GLI2: variants seen among roughly 807,000 people sequenced by gnomAD.
GLI2 encodes the protein transcription activator GLI2.
Under a neutral mutation model 78.9 loss-of-function variants are expected in GLI2, and 22 were observed. The observed-to-expected ratio is 0.28, with a 90% confidence interval of 0.20 to 0.40. The LOEUF (loss-of-function observed/expected upper bound fraction) is 0.40. GLI2 is among the 10% of genes least tolerant of loss of function. The pLI is 1.00. For synonymous variants in GLI2, 974 were observed against 963.7 expected, an observed-to-expected ratio of 1.01 and a Z score of -0.20; for missense variants, 2,097 against 2,213.2, an observed-to-expected ratio of 0.95 and a Z score of 1.05.
At chr2:120,816,863 G>A (rs1303869671) in intron 2 of GLI2, among the ~76,000 whole-genome samples, 2 of 152,206 alleles carry the variant, frequency 1.3e-5, no homozygotes, top group African/African-American at 4.8e-5. Flanking sequence ...TAATTTGGAT[G>A]TTCTTTGATG....
Position 120,757,759 on chromosome 2 carries a change from G to A in GLI2, c.-31+21474G>A, listed in dbSNP as rs138061531. On this transcript the variant is annotated intron_variant, in intron 1 of 13. Coordinates refer to ENST00000361492, the MANE Select transcript of GLI2 (RefSeq NM_001374353.1). ...TCTCCTTAACTCAGGAATCCACCAA[G>A]CTCTGCCTGGTTACCCCTCCCTGTG... Among the ~76,000 whole-genome samples, 875 of 152,268 alleles carry A rather than the reference G, an allele frequency of 5.7e-3. 6 individuals are homozygous for A. The highest frequency in any genetic ancestry group is 0.02 in the African/African-American group (817 of 41,546).
Position 120,904,882 on chromosome 2 carries a change from C to T in GLI2, c.149-22479C>T, listed in dbSNP as rs530458844. Among the ~76,000 whole-genome samples the T allele has an allele frequency of 9.8e-5, 15 of 152,304 alleles. No homozygotes were observed. The South Asian group carries it at 2.5e-3, about 25-fold the overall frequency. ...GGCCCCTGTGCTTCGGCCTCTGGCC[C>T]AGCAGAGAGAAGGGAGGGAGTTTGG... On this transcript the variant is annotated intron_variant, in intron 2 of 13. Coordinates refer to ENST00000361492, the MANE Select transcript of GLI2 (RefSeq NM_001374353.1).
At chr2:120,837,085 G>C (rs1291499702) in intron 2 of GLI2, among the ~76,000 whole-genome samples, 1 of 152,100 alleles carries the variant, frequency 6.6e-6, no homozygotes, top group East Asian at 1.9e-4. Context: ...ACTTTTAAGA[G>C]ATACTAATCT....
In GLI2 at chr2:120,968,762, G is replaced by A. The variant is rs756527906; in HGVS notation, c.692G>A (p.Arg231Gln). The change falls in exon 6 of 14, where the codon CGG (arginine) becomes CAG (glutamine). Residue 231 changes from arginine to glutamine, a missense_variant. Arg to Gln is a conservative substitution (Grantham distance 43). Around this residue, in one of 5 missense-constraint regions of GLI2, gnomAD observed 578 missense variants for 612.0 expected, o/e 0.94. Coordinates refer to ENST00000361492, the MANE Select transcript of GLI2 (RefSeq NM_001374353.1). ...GTGACGCCCCGCCTGAGCCGCAAGCGGGCGCTGTCCATCTCCCCACTCTCA... is the reference window on the plus strand; with the variant it reads ...GTGACGCCCCGCCTGAGCCGCAAGCAGGCGCTGTCCATCTCCCCACTCTCA... ...PRVTPRLSRK[R>Q]ALSISPLSDA... 6.8e-6 allele frequency: 11 copies of A among 1,613,554 alleles called. No homozygotes were observed. The highest frequency in any genetic ancestry group is 5.0e-5 in the Admixed American group (3 of 59,986).
At chr2:120,917,964 T>A (rs1217926484) in intron 2 of GLI2, among the ~76,000 whole-genome samples, 1 of 152,218 alleles carries the variant, frequency 6.6e-6, no homozygotes, top group East Asian at 1.9e-4. Context: ...CATCTGGGAA[T>A]AGGGGTGAGT....
At chr2:120,775,736 G>A (rs1336146485) in intron 1 of GLI2, among the ~76,000 whole-genome samples, 2 of 152,208 alleles carry the variant, frequency 1.3e-5, no homozygotes, top group Non-Finnish European at 2.9e-5. Flanking sequence ...TGTGGACTTG[G>A]GTTTGGAACA....
chr2:120,928,262 C>G (rs891452151), intron 3 of GLI2, among the ~76,000 whole-genome samples: 1 of 152,172 alleles, frequency 6.6e-6, no homozygotes, highest in Non-Finnish European at 1.5e-5. Context: ...GCCCCCTCAC[C>G]TGTTCATGCC....
chr2:120,912,324 T>A (rs1678865463), intron 2 of GLI2, among the ~76,000 whole-genome samples: 1 of 149,258 alleles, frequency 6.7e-6, no homozygotes, highest in Non-Finnish European at 1.5e-5. Flanking sequence ...GTTTTCCTCC[T>A]CCCTTTCTTC....
intron 1 of GLI2, among the ~76,000 whole-genome samples, chr2:120,793,455 C>T (rs1016649512): frequency 1.2e-4 from 18 of 152,344 alleles, no homozygotes; most frequent in African/African-American, 3.4e-4. Flanking sequence ...AGACTATCCG[C>T]TTTGGCTGCA....
chr2:120,806,689 G>C (rs1447913064), intron 2 of GLI2, among the ~76,000 whole-genome samples: 1 of 152,202 alleles, frequency 6.6e-6, no homozygotes, highest in East Asian at 1.9e-4. Context: ...GAGATGGCTG[G>C]CACCCAGGTG....
chr2:120,854,581 A>C (rs938981570), intron 2 of GLI2, among the ~76,000 whole-genome samples: 5 of 152,150 alleles, frequency 3.3e-5, no homozygotes, highest in African/African-American at 1.2e-4. Context: ...GTCGTGTTTC[A>C]TGTCACCCAT....
Position 120,797,312 on chromosome 2 carries a change from G to A in GLI2, c.-9G>A, listed in dbSNP as rs1157473955. 1.2e-6 allele frequency: 2 copies of A among 1,613,848 alleles called. No homozygotes were observed. The highest frequency in any genetic ancestry group is 1.7e-5 in the Admixed American group (1 of 60,006). ...TTAGGATTGCCACCCAGGACGATGA[G>A]CGGCTGAGATGGAGACGTCTGCCTC... On this transcript the variant is annotated 5_prime_UTR_variant, in exon 2 of 14. Transcript: ENST00000361492.
intron 9 of GLI2, among the ~76,000 whole-genome samples, chr2:120,976,642 T>A (rs569015318): frequency 6.6e-6 from 1 of 152,292 alleles, no homozygotes; most frequent in Admixed American, 6.5e-5. Context: ...ACGTGCTCTG[T>A]GATAAGTGGG....
intron 2 of GLI2, among the ~76,000 whole-genome samples, chr2:120,918,924 A>G (rs1341896658): frequency 6.6e-6 from 1 of 152,212 alleles, no homozygotes. Context: ...GACAACAGGG[A>G]CAGGTGATGT....
intron 1 of GLI2, among the ~76,000 whole-genome samples, chr2:120,736,641 T>C (rs1375039275): frequency 7.2e-6 from 1 of 139,558 alleles, no homozygotes; most frequent in Non-Finnish European, 1.6e-5. Context: ...TTTCAGGGGG[T>C]GGAGGGTGGG....
chr2:120,795,639 C>T (rs904166633), intron 1 of GLI2, among the ~76,000 whole-genome samples: 9 of 152,036 alleles, frequency 5.9e-5, no homozygotes, highest in African/African-American at 9.6e-5. Context: ...CTGCACACTG[C>T]GACCCCCGTC....
chr2:120,782,039 A>T (rs940964677), intron 1 of GLI2, among the ~76,000 whole-genome samples: 1 of 152,168 alleles, frequency 6.6e-6, no homozygotes, highest in African/African-American at 2.4e-5. Flanking sequence ...ATTTTCACTT[A>T]CGTGTGATCT....
chr2:120,855,753 G>A (rs534829074), intron 2 of GLI2, among the ~76,000 whole-genome samples: 3 of 152,278 alleles, frequency 2.0e-5, no homozygotes, highest in African/African-American at 7.2e-5. Flanking sequence ...GGACAGTGGG[G>A]GAAATGGAGA....
intron 3 of GLI2, among the ~76,000 whole-genome samples, chr2:120,937,212 G>A (rs1041415415): frequency 6.6e-6 from 1 of 152,108 alleles, no homozygotes; most frequent in Non-Finnish European, 1.5e-5. Flanking sequence ...CAGGCACTGG[G>A]GATACGGGCC....
Sources: gnomAD v4.1 joint callset for allele counts (sites outside exome capture counted in the v4.1 genomes callset) on GRCh38, gnomAD v4.1.1 for gene constraint, gnomAD v4.1.1 regional missense constraint, MANE v1.5 for transcripts, NCBI Gene and HGNC (gene_info 2026-07-23, HGNC 2026-07-21) for gene names.